Variants in INSL6 observed in about 807,000 individuals in gnomAD.
INSL6 encodes insulin-like peptide INSL6.
INSL6 carries 16 observed loss-of-function variants against 9.4 expected under a neutral mutation model. The ratio of observed to expected loss-of-function variants is 1.70; its 90% CI spans 1.15 to 2.59. The LOEUF is 2.59. Ranked by LOEUF, INSL6 falls within the 30% of genes most tolerant of loss-of-function variation. The probability of loss-of-function intolerance (pLI) is 0.00; values close to 1 mark genes in which losing one functional copy is unlikely to be tolerated. For missense variants in INSL6, 391 were observed against 257.3 expected (o/e 1.52, Z -3.56); for synonymous variants, 154 against 96.9 (o/e 1.59, Z -3.46).
the INSL6 span, among the ~76,000 whole-genome samples, chr9:5,076,140 G>A: frequency 2.0e-5 from 3 of 152,164 alleles, no homozygotes; most frequent in African/African-American, 4.8e-5. Flanking sequence ...AGAGAAAGTG[G>A]TTTCTTAAGA....
chr9:5,038,722 C>T, the INSL6 span, among the ~76,000 whole-genome samples: 2 of 151,560 alleles, frequency 1.3e-5, no homozygotes, highest in East Asian at 3.9e-4. Context: ...GGTTAGCGCT[C>T]TAAAGGTTTT....
rs754315153 is a variant in INSL6 at position 5,164,303 on chromosome 9, A to C, written c.290-38T>G. On this transcript the variant is annotated intron_variant, in intron 1 of 1. Transcript: ENST00000381641. ...AAGAAAATAAATGCTCCTTTATTAAAATCTTCCTTTAGATGAAAATTTAAT... is the reference window on the plus strand; with the variant it reads ...AAGAAAATAAATGCTCCTTTATTAACATCTTCCTTTAGATGAAAATTTAAT... The C allele has an allele frequency of 5.3e-6, 7 of 1,327,434 alleles. No individual in the cohort carries two copies. The South Asian group carries it at 8.9e-5, about 17-fold the overall frequency. 82.2% of individuals were successfully genotyped at this position (1,327,434 alleles called of 1,614,324 possible).
At chr9:5,081,878 T>A in the INSL6 span, 1 of 1,599,836 alleles carries the variant, frequency 6.3e-7, no homozygotes, top group Non-Finnish European at 8.6e-7. Flanking sequence ...TGTCAGAATT[T>A]TTTCAAATAG....
At chr9:5,087,600 T>C in the INSL6 span, among the ~76,000 whole-genome samples, 4 of 152,340 alleles carry the variant, frequency 2.6e-5, no homozygotes, top group African/African-American at 9.6e-5. Flanking sequence ...CATTCCGAAT[T>C]AAAAGTGAGA....
chr9:5,070,060 A>G, the INSL6 span: 49 of 1,589,126 alleles, frequency 3.1e-5, no homozygotes, highest in Non-Finnish European at 4.1e-5. Context: ...TTTGTAAGTC[A>G]TTAGATACTC....
chr9:5,149,545 G>C (rs77433852), intron 2 of INSL6, among the ~76,000 whole-genome samples: 10,588 of 152,086 alleles, frequency 0.07, 531 homozygotes, highest in Non-Finnish European at 0.11. Flanking sequence ...GGATATGAAA[G>C]ATCTCTATAA....
the INSL6 span, among the ~76,000 whole-genome samples, chr9:5,011,756 T>C: frequency 1.3e-5 from 2 of 152,202 alleles, no homozygotes; most frequent in African/African-American, 2.4e-5. Flanking sequence ...TCTGAAGTAA[T>C]GAGTTTTGTT....
the INSL6 span, among the ~76,000 whole-genome samples, chr9:5,102,382 C>T: frequency 3.9e-5 from 6 of 152,204 alleles, no homozygotes; most frequent in African/African-American, 1.2e-4. Flanking sequence ...ACAAGAAATA[C>T]AGGACTATGT....
At chr9:5,142,671 C>A (rs1162586016) in intron 2 of INSL6, among the ~76,000 whole-genome samples, 16 of 152,124 alleles carry the variant, frequency 1.1e-4, no homozygotes, top group Admixed American at 1.0e-3. Context: ...GACTTCCTCT[C>A]TTCCTATTTG....
the INSL6 span, among the ~76,000 whole-genome samples, chr9:4,992,479 C>T: frequency 9.9e-5 from 15 of 152,250 alleles, no homozygotes; most frequent in Non-Finnish European, 1.9e-4. Context: ...TTATGGCCAT[C>T]TTTGGACAAT....
At chr9:4,997,785 G>A in the INSL6 span, among the ~76,000 whole-genome samples, 2 of 152,210 alleles carry the variant, frequency 1.3e-5, no homozygotes, top group Non-Finnish European at 2.9e-5. Flanking sequence ...AATAGTGCAT[G>A]ATAGTATAAG....
the INSL6 span, chr9:5,021,964 C>G: frequency 1.3e-6 from 2 of 1,552,694 alleles, no homozygotes; most frequent in Non-Finnish European, 8.9e-7. Context: ...CTCTTACAGG[C>G]AAATGTTCTG....
the INSL6 span, among the ~76,000 whole-genome samples, chr9:5,103,652 A>G: frequency 6.6e-6 from 1 of 152,220 alleles, no homozygotes; most frequent in African/African-American, 2.4e-5. Flanking sequence ...TTATTCCAAA[A>G]TAGACCACAT....
chr9:5,170,161 C>T (rs1825146040), intron 1 of INSL6, among the ~76,000 whole-genome samples: 1 of 152,120 alleles, frequency 6.6e-6, no homozygotes. Context: ...TCTCTAAGAC[C>T]ACAGCACAAT....
the INSL6 span, chr9:5,080,359 A>G: frequency 1.2e-6 from 2 of 1,613,362 alleles, no homozygotes; most frequent in South Asian, 1.1e-5. Context: ...ATAAACCTCT[A>G]AGTGCTCTGG....
At chr9:5,103,250 A>G in the INSL6 span, among the ~76,000 whole-genome samples, 3 of 146,228 alleles carry the variant, frequency 2.1e-5, no homozygotes, top group East Asian at 3.9e-4. Flanking sequence ...AAAAAAAAAA[A>G]AAAAAGCAGG....
At chr9:5,083,451 A>T in the INSL6 span, among the ~76,000 whole-genome samples, 1 of 152,310 alleles carries the variant, frequency 6.6e-6, no homozygotes, top group Admixed American at 6.5e-5. Context: ...TCCTAAATTC[A>T]TATTTTCCTG....
intron 1 of INSL6, among the ~76,000 whole-genome samples, chr9:5,181,025 G>T (rs1280903378): frequency 6.6e-6 from 1 of 152,164 alleles, no homozygotes; most frequent in Non-Finnish European, 1.5e-5. Flanking sequence ...CGGCGGCCCA[G>T]CTGTAAAATT....
chr9:5,032,307 A>G, the INSL6 span, among the ~76,000 whole-genome samples: 22 of 152,126 alleles, frequency 1.4e-4, no homozygotes, highest in African/African-American at 4.8e-4. Flanking sequence ...GCCTCTGTAG[A>G]CTCCACCTCT....
Sources: gnomAD v4.1 joint callset for allele counts (sites outside exome capture counted in the v4.1 genomes callset) on GRCh38, gnomAD v4.1.1 for gene constraint, MANE v1.5 for transcripts, NCBI Gene and HGNC (gene_info 2026-07-23, HGNC 2026-07-21) for gene names.